The following RAPGEF5 variants were observed in gnomAD, a reference collection of about 807,000 sequenced individuals.
RAPGEF5 encodes the protein Rap guanine nucleotide exchange factor 5.
A neutral mutation model predicts 125.2 loss-of-function variants in RAPGEF5; 65 were observed. The observed-to-expected ratio is 0.52, with a 90% CI of 0.43 to 0.64. The LOEUF (loss-of-function observed/expected upper bound fraction) is 0.64. RAPGEF5 is among the 30% of genes least tolerant of loss of function. The probability of loss-of-function intolerance (pLI) is 0.00; values close to 1 mark genes in which losing one functional copy is unlikely to be tolerated. For synonymous variants in RAPGEF5, 391 were observed against 385.9 expected, an observed-to-expected ratio of 1.01 and a Z score of -0.16; for missense variants, 958 against 1,048.1, an observed-to-expected ratio of 0.91 and a Z score of 1.19.
At chr7:22,269,897 G>A (rs1231234875) in intron 6 of RAPGEF5, among the ~76,000 whole-genome samples, 1 of 152,144 alleles carries the variant, frequency 6.6e-6, no homozygotes, top group East Asian at 1.9e-4. Context: ...TAACATGTGG[G>A]GGATCAGTCA....
intron 7 of RAPGEF5, among the ~76,000 whole-genome samples, chr7:22,266,330 T>C (rs1203956739): frequency 6.6e-6 from 1 of 152,196 alleles, no homozygotes. Flanking sequence ...TCCTCCCATC[T>C]AAGCAAGCAT....
At chr7:22,225,307 C>A (rs570045954) in intron 8 of RAPGEF5, among the ~76,000 whole-genome samples, 4 of 152,254 alleles carry the variant, frequency 2.6e-5, no homozygotes, top group African/African-American at 9.6e-5. Flanking sequence ...GGGCTTCAGG[C>A]TAACTTATTT....
At chr7:22,152,889 A>G (rs1783674428) in intron 17 of RAPGEF5, among the ~76,000 whole-genome samples, 1 of 152,252 alleles carries the variant, frequency 6.6e-6, no homozygotes, top group Admixed American at 6.5e-5. Flanking sequence ...ACATTGCCAA[A>G]TCTGTGGGAT....
At chr7:22,314,548 T>C in intron 3 of RAPGEF5, 1 of 748,926 alleles carries the variant, frequency 1.3e-6, no homozygotes, top group Non-Finnish European at 1.6e-6. Flanking sequence ...CATAAAGGAA[T>C]ATCCTTTATT....
At chr7:22,278,373 A>G (rs1245945809) in intron 6 of RAPGEF5, among the ~76,000 whole-genome samples, 1 of 152,128 alleles carries the variant, frequency 6.6e-6, no homozygotes, top group Non-Finnish European at 1.5e-5. Flanking sequence ...CCACCACACA[A>G]TGTGTGTAAT....
intron 7 of RAPGEF5, among the ~76,000 whole-genome samples, chr7:22,246,775 A>G (rs1376347685): frequency 6.6e-6 from 1 of 152,230 alleles, no homozygotes; most frequent in African/African-American, 2.4e-5. Context: ...ATAAATTATC[A>G]ACAGAGTAAA....
At chr7:22,201,153 T>C (rs949552455) in intron 9 of RAPGEF5, among the ~76,000 whole-genome samples, 1 of 152,172 alleles carries the variant, frequency 6.6e-6, no homozygotes. Context: ...TGGATCCCTT[T>C]GGGAGCTGGA....
chr7:22,267,647 C>G (rs1337233864), intron 6 of RAPGEF5, among the ~76,000 whole-genome samples: 2 of 152,154 alleles, frequency 1.3e-5, no homozygotes, highest in Non-Finnish European at 2.9e-5. Flanking sequence ...AGCACTTACT[C>G]TCACTCTCAT....
At chr7:22,345,425 A>G (rs12700371) in intron 1 of RAPGEF5, among the ~76,000 whole-genome samples, 6,785 of 152,288 alleles carry the variant, frequency 0.045, 232 homozygotes, top group Non-Finnish European at 0.06. Context: ...AGGCTTACTG[A>G]GCATCCTCTA....
intron 25 of RAPGEF5, among the ~76,000 whole-genome samples, chr7:22,122,739 A>G (rs1029534967): frequency 6.6e-6 from 1 of 152,240 alleles, no homozygotes; most frequent in African/African-American, 2.4e-5. Flanking sequence ...TACTTATAGC[A>G]TTTATTACCT....
At chr7:22,351,993 A>C (rs923614100) in intron 1 of RAPGEF5, among the ~76,000 whole-genome samples, 2 of 152,212 alleles carry the variant, frequency 1.3e-5, no homozygotes, top group African/African-American at 2.4e-5. Flanking sequence ...AGCACAGGCC[A>C]TAAGAACCCT....
intron 1 of RAPGEF5, among the ~76,000 whole-genome samples, chr7:22,345,696 CTTT>C (rs60654602): frequency 6.8e-4 from 72 of 106,662 alleles, no homozygotes; most frequent in African/African-American, 2.4e-3. Flanking sequence ...GTCTAGGCAG[CTTT>C]TTTTTTTTTT....
At chr7:22,286,218 C>T (rs1782793317) in intron 6 of RAPGEF5, among the ~76,000 whole-genome samples, 1 of 152,228 alleles carries the variant, frequency 6.6e-6, no homozygotes, top group Non-Finnish European at 1.5e-5. Flanking sequence ...AGACTCTCTT[C>T]TCTTTCACCA....
chr7:22,118,700 T>C lies in RAPGEF5; in HGVS notation c.*3706A>G, dbSNP rs1240629880. ...ACAATATCACAGCAGCCCTAATTAA[T>C]GATACATTAAAAGGCAAGATTTCTT... On this transcript the variant is annotated 3_prime_UTR_variant, in exon 26 of 26. Coordinates refer to ENST00000665637, the MANE Select transcript of RAPGEF5 (RefSeq NM_012294.5). The C allele has an allele frequency of 6.6e-6, 1 of 152,626 alleles. No homozygotes were observed. Among genetic ancestry groups the C allele is most frequent in the Non-Finnish European group, 1.5e-5 (1 of 68,028 alleles). The allele number at this position is 152,626 out of a possible 1,614,324, so 9.5% of individuals were successfully genotyped here. A position where few individuals can be genotyped will look rare whatever the true frequency, so the allele number is the denominator to read the frequency against.
At chr7:22,333,313 C>G (rs1037473524) in intron 1 of RAPGEF5, among the ~76,000 whole-genome samples, 1 of 152,038 alleles carries the variant, frequency 6.6e-6, no homozygotes, top group Non-Finnish European at 1.5e-5. Flanking sequence ...CAACACTAAC[C>G]AACCTTGGGC....
At chr7:22,234,015 CT>C (rs1431921170) in intron 7 of RAPGEF5, among the ~76,000 whole-genome samples, 2 of 152,130 alleles carry the variant, frequency 1.3e-5, no homozygotes, top group Non-Finnish European at 2.9e-5. Context: ...CCTCAACCCC[CT>C]AATGACAAAG....
intron 24 of RAPGEF5, among the ~76,000 whole-genome samples, 193 bp from the exon 25 acceptor site, chr7:22,125,851 A>G (rs1782724876): frequency 1.3e-5 from 2 of 152,228 alleles, no homozygotes; most frequent in South Asian, 4.1e-4. Context: ...CTTATCTGCA[A>G]AAACAGTAGC....
At chr7:22,195,373 A>G (rs1474022074) in intron 9 of RAPGEF5, among the ~76,000 whole-genome samples, 1 of 152,222 alleles carries the variant, frequency 6.6e-6, no homozygotes. Flanking sequence ...AGAAAATGCA[A>G]TAAGCTAATA....
chr7:22,278,114 ACT>A (rs1444633326), intron 6 of RAPGEF5, among the ~76,000 whole-genome samples: 2 of 151,882 alleles, frequency 1.3e-5, no homozygotes, highest in African/African-American at 4.8e-5. Flanking sequence ...ATTACACCAA[ACT>A]CTCTTTCCCT....
Sources: allele counts gnomAD v4.1 joint callset (sites outside exome capture counted in the v4.1 genomes callset), GRCh38; gene constraint gnomAD v4.1.1; transcripts MANE v1.5; gene names NCBI Gene and HGNC (gene_info 2026-07-23, HGNC 2026-07-21).